Variants in PLEKHA5 observed in about 807,000 individuals in gnomAD.
PLEKHA5 encodes pleckstrin homology domain-containing family A member 5.
PLEKHA5 carries 55 observed loss-of-function variants against 181.9 expected under a neutral mutation model. The ratio of observed to expected loss-of-function variants is 0.30; its 90% CI spans 0.24 to 0.38. The LOEUF is 0.38. Ranked by LOEUF, PLEKHA5 falls within the 10% of genes least tolerant of loss-of-function variation. PLEKHA5 has a pLI of 1.00. For missense variants in PLEKHA5, 1,432 were observed against 1,549.5 expected, an observed-to-expected ratio of 0.92 and a Z score of 1.27; for synonymous variants, 535 against 529.4, an observed-to-expected ratio of 1.01 and a Z score of -0.15.
intron 29 of PLEKHA5, among the ~76,000 whole-genome samples, chr12:19,365,533 T>G (rs897864715): frequency 6.6e-6 from 1 of 152,166 alleles, no homozygotes; most frequent in Non-Finnish European, 1.5e-5. Context: ...TAAAGTAGAC[T>G]TTAAGGAATT....
chr12:19,301,671 T>C (rs1006447029), intron 15 of PLEKHA5, among the ~76,000 whole-genome samples: 4 of 152,204 alleles, frequency 2.6e-5, no homozygotes, highest in Admixed American at 2.6e-4. Flanking sequence ...TTTAAAAATA[T>C]TGTTGATTCT....
chr12:19,177,432 A>G (rs367564629), intron 3 of PLEKHA5, among the ~76,000 whole-genome samples: 181 of 152,308 alleles, frequency 1.2e-3, no homozygotes, highest in Middle Eastern at 3.4e-3. Flanking sequence ...AAGGAAGATG[A>G]TATTTCATTT....
intron 3 of PLEKHA5, among the ~76,000 whole-genome samples, chr12:19,202,679 CTG>C (rs2054468351): frequency 6.6e-6 from 1 of 152,080 alleles, no homozygotes; most frequent in Non-Finnish European, 1.5e-5. Flanking sequence ...CCCTAACAAA[CTG>C]TGGTCTCTGG....
At position 19,289,504 on chromosome 12, in the gene PLEKHA5, GTGAGGAAAGCC is replaced by G. The variant is rs1312889525; in HGVS notation, c.1864-1170_1864-1160del. ...TTTAAGAGTACATTGCAGCACTCCA[GTGAGGAAAGCC>G]TGTAGCCTGCTTTCAGTTGTTAATC... On this transcript the variant is annotated intron_variant, in intron 13 of 31. Coordinates refer to ENST00000429027, the MANE Select transcript of PLEKHA5 (RefSeq NM_001256470.2). Among the ~76,000 whole-genome samples, 5 of 152,330 alleles carry G rather than the reference GTGAGGAAAGCC, an allele frequency of 3.3e-5. No individual in the cohort carries two copies. In the East Asian group the frequency reaches 9.6e-4, roughly 29 times the overall value.
At chr12:19,136,706 C>T (rs1001156779) in intron 3 of PLEKHA5, among the ~76,000 whole-genome samples, 4 of 152,092 alleles carry the variant, frequency 2.6e-5, no homozygotes, top group Non-Finnish European at 5.9e-5. Flanking sequence ...GACTGGGTAT[C>T]AAAACAATAT....
chr12:19,134,959 A>G (rs1000416609), intron 3 of PLEKHA5, among the ~76,000 whole-genome samples: 3 of 152,082 alleles, frequency 2.0e-5, no homozygotes, highest in African/African-American at 7.2e-5. Context: ...GTGGTTATTG[A>G]TCAAATTGTA....
chr12:19,320,700 A>G, intron 18 of PLEKHA5, 76 bp downstream of exon 18: 1 of 660,688 alleles, frequency 1.5e-6, no homozygotes, highest in East Asian at 2.8e-5. Flanking sequence ...AAGCATGACC[A>G]AAAAACTTCT....
Position 19,183,271 on chromosome 12 carries a change from T to C in PLEKHA5, c.227+50821T>C, listed in dbSNP as rs116001752. Among the ~76,000 whole-genome samples, 1,414 of 152,298 alleles carry C rather than the reference T, an allele frequency of 9.3e-3. 25 individuals are homozygous for C. Among genetic ancestry groups the C allele is most frequent in the African/African-American group, 0.032 (1,323 of 41,538 alleles). Reference sequence around the variant, plus strand: ...ATAGATTAAAGAAAGCTGTTATCATTATCAGCTGACTCTGGAAAGAGGTGT... The same window carrying C: ...ATAGATTAAAGAAAGCTGTTATCATCATCAGCTGACTCTGGAAAGAGGTGT... On this transcript the variant is annotated intron_variant, in intron 3 of 31. Coordinates refer to ENST00000429027, the MANE Select transcript of PLEKHA5 (RefSeq NM_001256470.2).
chr12:19,274,829 G>A lies in PLEKHA5; in HGVS notation c.1159G>A (p.Val387Ile). The A allele has an allele frequency of 2.5e-6, 4 of 1,614,180 alleles. No homozygotes were observed. The highest frequency in any genetic ancestry group is 3.4e-6 in the Non-Finnish European group (4 of 1,180,042). The change falls in exon 11 of 32, where the codon GTT (valine) becomes ATT (isoleucine). Residue 387 changes from valine (V) to isoleucine (I), a missense_variant. Val to Ile is a conservative substitution (Grantham distance 29). This residue lies in a region of PLEKHA5 where 1,143 missense variants were observed against 1,168.4 expected (regional missense o/e 0.98). Transcript: ENST00000429027. ...CAGTTCAGAGAACAAAATAGTCAAT[G>A]TTAGCCTGGCAGATCTTAGAGGTGG... ...LSSSENKIVN[V>I]SLADLRGGNR...
In PLEKHA5 at chr12:19,375,321, CA is replaced by C. The variant is rs879746589; in HGVS notation, c.*12-198del. Among the ~76,000 whole-genome samples the C allele has an allele frequency of 4.0e-3, 563 of 141,818 alleles. 2 individuals carry two copies. The highest frequency in any genetic ancestry group is 0.013 in the African/African-American group (505 of 38,496). 93.0% of individuals were successfully genotyped at this position (141,818 alleles called of 152,430 possible). On this transcript the variant is annotated intron_variant, in intron 31 of 31. Coordinates refer to ENST00000429027, the MANE Select transcript of PLEKHA5 (RefSeq NM_001256470.2). ...CCTAGGCGATAGTGATACCCTGTCT[CA>C]AAAAAAAAAAATTGCATTATGTTTC...
intron 4 of PLEKHA5, among the ~76,000 whole-genome samples, chr12:19,254,651 A>G (rs2066345885): frequency 1.3e-5 from 1 of 78,722 alleles, no homozygotes; most frequent in Non-Finnish European, 3.4e-5. Context: ...TGAAACCCTG[A>G]CTGTACTAAA....
chr12:19,341,663 G>A (rs1370843612), intron 21 of PLEKHA5, among the ~76,000 whole-genome samples: 1 of 151,742 alleles, frequency 6.6e-6, no homozygotes, highest in Non-Finnish European at 1.5e-5. Context: ...GACTTTTCTT[G>A]AGTTTTTTCT....
chr12:19,333,701 C>A (rs1044076187), intron 20 of PLEKHA5, among the ~76,000 whole-genome samples: 3 of 151,648 alleles, frequency 2.0e-5, no homozygotes, highest in Non-Finnish European at 2.9e-5. Flanking sequence ...CTCCACCCCC[C>A]AGGTTCAAGC....
intron 3 of PLEKHA5, among the ~76,000 whole-genome samples, chr12:19,156,053 A>C (rs1468756205): frequency 1.3e-5 from 2 of 152,194 alleles, no homozygotes. Context: ...ATTTGTGTTA[A>C]AAAGTAGTTT....
intron 3 of PLEKHA5, among the ~76,000 whole-genome samples, chr12:19,207,009 AAAAC>A (rs2055702236): frequency 6.6e-6 from 1 of 152,192 alleles, no homozygotes; most frequent in South Asian, 2.1e-4. Flanking sequence ...TTGTGGGAAG[AAAAC>A]AAACAAGTAT....
intron 3 of PLEKHA5, among the ~76,000 whole-genome samples, chr12:19,222,218 C>T (rs1345135831): frequency 6.6e-6 from 1 of 151,944 alleles, no homozygotes; most frequent in Non-Finnish European, 1.5e-5. Flanking sequence ...TTGAGATTAT[C>T]AAAGAAAGAT....
intron 3 of PLEKHA5, among the ~76,000 whole-genome samples, chr12:19,220,715 A>G (rs1321260692): frequency 6.6e-6 from 1 of 152,220 alleles, no homozygotes; most frequent in Non-Finnish European, 1.5e-5. Flanking sequence ...GCAGACCTAG[A>G]CAAATTGTTG....
intron 20 of PLEKHA5, among the ~76,000 whole-genome samples, chr12:19,334,829 A>AAAAAATATATATAT: frequency 1.6e-4 from 3 of 18,592 alleles, no homozygotes; most frequent in African/African-American, 2.4e-4. Context: ...AAAAAAAAAA[A>AAAAAATATATATAT]ATATATATAT....
chr12:19,187,802 A>AACAT (rs1436938335), intron 3 of PLEKHA5, among the ~76,000 whole-genome samples: 4 of 152,194 alleles, frequency 2.6e-5, no homozygotes, highest in African/African-American at 9.7e-5. Context: ...CCATAAAGGT[A>AACAT]ACATACAAGA....
Sources: allele counts gnomAD v4.1 joint callset (sites outside exome capture counted in the v4.1 genomes callset), GRCh38; gene constraint gnomAD v4.1.1; regional missense constraint gnomAD v4.1.1; transcripts MANE v1.5; gene names NCBI Gene and HGNC (gene_info 2026-07-23, HGNC 2026-07-21).